The following PCCA variants were observed in gnomAD, a reference collection of about 807,000 sequenced individuals.
The protein encoded by PCCA is propionyl-CoA carboxylase subunit alpha.
PCCA carries 74 observed loss-of-function variants against 101.3 expected under a neutral mutation model. The observed-to-expected ratio is 0.73, with a 90% CI of 0.61 to 0.89. The LOEUF is 0.89. Among genes scored for constraint, PCCA ranks in the 40% least tolerant of loss-of-function variants. PCCA has a pLI of 0.00. For missense variants in PCCA, 891 were observed against 907.0 expected (o/e 0.98, Z 0.23); for synonymous variants, 294 against 313.6 (o/e 0.94, Z 0.66).
intron 20 of PCCA, among the ~76,000 whole-genome samples, chr13:100,443,324 G>A (rs763129284): frequency 6.6e-6 from 1 of 152,012 alleles, no homozygotes; most frequent in Non-Finnish European, 1.5e-5. Flanking sequence ...GTACAATGGT[G>A]CATGCCTGTG....
intron 6 of PCCA, among the ~76,000 whole-genome samples, chr13:100,182,251 C>T (rs1208082618): frequency 6.6e-6 from 1 of 151,806 alleles, no homozygotes; most frequent in Non-Finnish European, 1.5e-5. Context: ...TGTGCGCCAC[C>T]ACACCTGGCT....
chr13:100,442,414 G>A (rs1161247775), intron 20 of PCCA, among the ~76,000 whole-genome samples: 1 of 152,142 alleles, frequency 6.6e-6, no homozygotes, highest in Non-Finnish European at 1.5e-5. Flanking sequence ...ACAGCTTATT[G>A]GTACTTATAC....
chr13:100,107,769 A>T (rs1364670068), intron 2 of PCCA, among the ~76,000 whole-genome samples: 1 of 152,184 alleles, frequency 6.6e-6, no homozygotes, highest in Non-Finnish European at 1.5e-5. Flanking sequence ...TATTATGCTA[A>T]ATATTGTCAT....
chr13:100,133,672 G>A (rs934695709), intron 4 of PCCA, among the ~76,000 whole-genome samples: 1 of 152,114 alleles, frequency 6.6e-6, no homozygotes, highest in Non-Finnish European at 1.5e-5. Context: ...AATATTGAGT[G>A]TCAACTTGAT....
At chr13:100,475,095 T>C (rs1269532671) in intron 21 of PCCA, among the ~76,000 whole-genome samples, 1 of 152,182 alleles carries the variant, frequency 6.6e-6, no homozygotes, top group African/African-American at 2.4e-5. Flanking sequence ...TTGCCCAGGC[T>C]GGAGTGCAGT....
chr13:100,172,704 A>C (rs936844014), intron 6 of PCCA, among the ~76,000 whole-genome samples: 4 of 152,244 alleles, frequency 2.6e-5, no homozygotes, highest in African/African-American at 9.6e-5. Flanking sequence ...GTGAGATTTC[A>C]ACTTTTAACA....
At chr13:100,282,285 G>A (rs1214059946) in intron 12 of PCCA, among the ~76,000 whole-genome samples, 11 of 152,236 alleles carry the variant, frequency 7.2e-5, no homozygotes, top group Admixed American at 7.2e-4. Context: ...CAGCGTGCTG[G>A]CAGTCCTCAG....
intron 10 of PCCA, among the ~76,000 whole-genome samples, chr13:100,268,217 A>G (rs1437902990): frequency 6.6e-6 from 1 of 152,234 alleles, no homozygotes; most frequent in East Asian, 1.9e-4. Context: ...AAAATAAACC[A>G]CAGTACAGAC....
At chr13:100,493,620 A>G (rs1004571767) in intron 21 of PCCA, among the ~76,000 whole-genome samples, 3 of 152,204 alleles carry the variant, frequency 2.0e-5, no homozygotes, top group Admixed American at 2.0e-4. Context: ...CTTGTGGTCC[A>G]AATTGGGGAA....
At chr13:100,234,876 G>A (rs946698144) in intron 7 of PCCA, among the ~76,000 whole-genome samples, 1 of 149,198 alleles carries the variant, frequency 6.7e-6, no homozygotes, top group African/African-American at 2.5e-5. Flanking sequence ...TTTAGTTTGT[G>A]TCACTGAATT....
At chr13:100,237,392 C>T (rs936094850) in intron 8 of PCCA, 2 of 152,058 alleles carry the variant, frequency 1.3e-5, no homozygotes, top group African/African-American at 4.8e-5. Flanking sequence ...TATCTGACTA[C>T]CTCATCTCTT....
intron 19 of PCCA, among the ~76,000 whole-genome samples, chr13:100,410,401 C>G (rs1450093017): frequency 6.6e-6 from 1 of 152,076 alleles, no homozygotes; most frequent in African/African-American, 2.4e-5. Context: ...TGCCGTGATG[C>G]CCAGCTAATT....
chr13:100,497,793 T>C (rs746050556), intron 21 of PCCA, among the ~76,000 whole-genome samples: 7 of 152,174 alleles, frequency 4.6e-5, no homozygotes, highest in Non-Finnish European at 8.8e-5. Flanking sequence ...CTAAGAGAAA[T>C]TGCCAGATTT....
chr13:100,098,481 T>G (rs1302237715), intron 1 of PCCA, among the ~76,000 whole-genome samples: 1 of 152,182 alleles, frequency 6.6e-6, no homozygotes, highest in Non-Finnish European at 1.5e-5. Flanking sequence ...GCCTTTTGAA[T>G]GCAGTGTTAG....
intron 8 of PCCA, among the ~76,000 whole-genome samples, chr13:100,248,145 G>A (rs2061553498): frequency 6.6e-6 from 1 of 152,004 alleles, no homozygotes; most frequent in South Asian, 2.1e-4. Context: ...TATTCAGCCT[G>A]CTGGAGCTTG....
chr13:100,341,407 TC>T (rs892568191), intron 18 of PCCA, among the ~76,000 whole-genome samples: 5 of 152,174 alleles, frequency 3.3e-5, no homozygotes, highest in South Asian at 4.2e-4. Flanking sequence ...TTTGGTTGTT[TC>T]CCCCCCACAT....
At chr13:100,453,856 A>G (rs1321537524) in intron 21 of PCCA, among the ~76,000 whole-genome samples, 1 of 152,022 alleles carries the variant, frequency 6.6e-6, no homozygotes, top group Non-Finnish European at 1.5e-5. Context: ...TGTCTTTTTG[A>G]TTTGTTTTGT....
At chr13:100,144,341 A>G (rs2052273637) in intron 4 of PCCA, among the ~76,000 whole-genome samples, 1 of 152,192 alleles carries the variant, frequency 6.6e-6, no homozygotes, top group Admixed American at 6.5e-5. Flanking sequence ...GGGAAATGGA[A>G]TCTGAGCCCA....
intron 16 of PCCA, among the ~76,000 whole-genome samples, chr13:100,315,374 A>G (rs2067255415): frequency 6.6e-6 from 1 of 152,184 alleles, no homozygotes; most frequent in South Asian, 2.1e-4. Context: ...ATAAAAGCAG[A>G]GATGCATTTG....
Sources: gnomAD v4.1 joint callset for allele counts (sites outside exome capture counted in the v4.1 genomes callset) on GRCh38, gnomAD v4.1.1 for gene constraint, MANE v1.5 for transcripts, NCBI Gene and HGNC (gene_info 2026-07-23, HGNC 2026-07-21) for gene names.